The following DSCAM variants were observed in gnomAD, a reference collection of about 807,000 sequenced individuals.
The protein encoded by DSCAM is cell adhesion molecule DSCAM.
DSCAM carries 47 observed loss-of-function variants against 217.7 expected under a neutral mutation model. The observed-to-expected ratio is 0.22, with a 90% CI of 0.17 to 0.28. DSCAM has a LOEUF of 0.28. Among genes scored for constraint, DSCAM ranks in the 10% least tolerant of loss-of-function variants. DSCAM has a pLI of 1.00. For synonymous variants in DSCAM, 1,056 were observed against 1,015.3 expected (o/e 1.04, Z -0.76); for missense variants, 2,080 against 2,618.3 (o/e 0.79, Z 4.49).
chr21:40,295,144 C>T (rs1601525793), intron 10 of DSCAM, among the ~76,000 whole-genome samples: 1 of 151,602 alleles, frequency 6.6e-6, no homozygotes, highest in East Asian at 1.9e-4. Flanking sequence ...ACAAATACCT[C>T]ACAATAATTA....
At chr21:40,702,314 T>A (rs1302985388) in intron 2 of DSCAM, among the ~76,000 whole-genome samples, 1 of 152,214 alleles carries the variant, frequency 6.6e-6, no homozygotes, top group Non-Finnish European at 1.5e-5. Context: ...GGACTTCAGT[T>A]AATAATAATG....
intron 3 of DSCAM, among the ~76,000 whole-genome samples, chr21:40,532,766 G>A (rs2076457832): frequency 6.6e-6 from 1 of 152,146 alleles, no homozygotes; most frequent in Admixed American, 6.5e-5. Context: ...AGAGCATGGG[G>A]TGACCTGGAG....
rs146626579 is a variant in DSCAM at position 40,304,974 on chromosome 21, T to C, written c.2062+7107A>G. On this transcript the variant is annotated intron_variant, in intron 9 of 32. Coordinates refer to ENST00000400454, the MANE Select transcript of DSCAM (RefSeq NM_001389.5). Reference sequence around the variant, plus strand: ...TCAAATGTTGCAAGAATTACCAAAATGTGACATACAGACACGAAGTGGGCA... The same window carrying C: ...TCAAATGTTGCAAGAATTACCAAAACGTGACATACAGACACGAAGTGGGCA... 8.8e-3 allele frequency among the ~76,000 whole-genome samples: 1,347 copies of C among 152,262 alleles called. 19 individuals carry two copies. Among genetic ancestry groups the C allele is most frequent in the African/African-American group, 0.03 (1,252 of 41,548 alleles).
chr21:40,526,894 T>A (rs8133309), intron 3 of DSCAM, among the ~76,000 whole-genome samples: 4,505 of 152,178 alleles, frequency 0.03, 206 homozygotes, highest in African/African-American at 0.098. Context: ...AGGGGAGCTA[T>A]TTCTAAGAAT....
chr21:40,424,428 G>C (rs1416973672), intron 3 of DSCAM, among the ~76,000 whole-genome samples: 1 of 152,184 alleles, frequency 6.6e-6, no homozygotes, highest in Non-Finnish European at 1.5e-5. Flanking sequence ...AGCCAGCCGT[G>C]TGACTGGCGT....
Position 40,012,836 on chromosome 21 carries a change from G to C in DSCAM, c.*198C>G, listed in dbSNP as rs1023897992. 2.6e-6 allele frequency: 1 copy of C among 389,594 alleles called. No individual in the cohort carries two copies. The highest frequency in any genetic ancestry group is 4.4e-6 in the Non-Finnish European group (1 of 227,274). The allele number at this position is 389,594 out of a possible 1,614,324, so 24.1% of individuals were successfully genotyped here. A position where few individuals can be genotyped will look rare whatever the true frequency, so the allele number is the denominator to read the frequency against. On this transcript the variant is annotated 3_prime_UTR_variant, in exon 33 of 33. Transcript: ENST00000400454. ...TTCCCAAAAAATCAGATGCCCAGGC[G>C]GATGGAGCTCACACTCAGACAGAAA...
intron 18 of DSCAM, among the ~76,000 whole-genome samples, chr21:40,138,499 G>T (rs1260804968): frequency 6.8e-6 from 1 of 147,698 alleles, no homozygotes; most frequent in Non-Finnish European, 1.5e-5. Context: ...TGTGGTGTGT[G>T]TGTGTGCATA....
chr21:40,458,282 A>C (rs1352125734), intron 3 of DSCAM, among the ~76,000 whole-genome samples: 2 of 152,184 alleles, frequency 1.3e-5, no homozygotes, highest in Non-Finnish European at 2.9e-5. Context: ...AGTTCATTAA[A>C]TATTTCCCCA....
chr21:40,065,616 G>A lies in DSCAM; in HGVS notation c.4889-2717C>T, dbSNP rs80017915. On this transcript the variant is annotated intron_variant, in intron 27 of 32. Coordinates refer to ENST00000400454, the MANE Select transcript of DSCAM (RefSeq NM_001389.5). Reference sequence around the variant, plus strand: ...CTGCCACTCCACGGTTGGGGTCGGTGCTCCTGCTGCACACCTAGTGTCCTT... The same window carrying A: ...CTGCCACTCCACGGTTGGGGTCGGTACTCCTGCTGCACACCTAGTGTCCTT... Among the ~76,000 whole-genome samples, 1,096 of 152,256 alleles carry A rather than the reference G, an allele frequency of 7.2e-3. 17 individuals are homozygous for A. Among genetic ancestry groups the A allele is most frequent in the African/African-American group, 0.025 (1,029 of 41,540 alleles).
intron 3 of DSCAM, among the ~76,000 whole-genome samples, chr21:40,380,326 C>T (rs527266640): frequency 1.3e-5 from 2 of 152,274 alleles, no homozygotes; most frequent in Admixed American, 1.3e-4. Flanking sequence ...AATTCCTTTA[C>T]TTTTAAATGA....
At chr21:40,822,245 G>A (rs2091934587) in intron 1 of DSCAM, among the ~76,000 whole-genome samples, 1 of 147,368 alleles carries the variant, frequency 6.8e-6, no homozygotes, top group Non-Finnish European at 1.5e-5. Context: ...CTTGAACCCG[G>A]GAAGCAGGGG....
rs563352258 is a variant in DSCAM at position 40,469,244 on chromosome 21, A to G, written c.509-99999T>C. ...CCAAACTTATATTCTTTTTGCAAAC[A>G]TAAGTTCTTAAAAATGTTCTTCTCA... On this transcript the variant is annotated intron_variant, in intron 3 of 32. Transcript: ENST00000400454. 7.2e-5 allele frequency among the ~76,000 whole-genome samples: 11 copies of G among 152,324 alleles called. 1 individual carries two copies. The South Asian group carries it at 1.4e-3, about 20-fold the overall frequency.
intron 16 of DSCAM, among the ~76,000 whole-genome samples, chr21:40,153,263 C>T (rs537858546): frequency 6.6e-6 from 1 of 152,296 alleles, no homozygotes; most frequent in African/African-American, 2.4e-5. Flanking sequence ...CAACCAGGGA[C>T]ACCTTTGAGT....
chr21:40,432,111 G>A (rs1008371043), intron 3 of DSCAM, among the ~76,000 whole-genome samples: 2 of 152,088 alleles, frequency 1.3e-5, no homozygotes, highest in African/African-American at 4.8e-5. Flanking sequence ...GCTGAGGCAG[G>A]AGAATTGCTT....
At chr21:40,128,653 T>C (rs1345358769) in intron 19 of DSCAM, among the ~76,000 whole-genome samples, 1 of 128,658 alleles carries the variant, frequency 7.8e-6, no homozygotes, top group Non-Finnish European at 1.6e-5. Flanking sequence ...TGACAGGGAG[T>C]AACAGGCAGC....
intron 11 of DSCAM, among the ~76,000 whole-genome samples, chr21:40,240,896 T>C (rs2073144074): frequency 6.6e-6 from 1 of 152,146 alleles, no homozygotes; most frequent in Non-Finnish European, 1.5e-5. Context: ...CCACAGAAAA[T>C]GACTAATGGT....
chr21:40,670,696 G>C (rs1460423496), intron 3 of DSCAM, among the ~76,000 whole-genome samples: 1 of 152,146 alleles, frequency 6.6e-6, no homozygotes, highest in African/African-American at 2.4e-5. Context: ...AAATCCTCCA[G>C]GGAATGTTAT....
chr21:40,515,874 GGTT>G (rs1243869067), intron 3 of DSCAM, among the ~76,000 whole-genome samples: 1 of 152,002 alleles, frequency 6.6e-6, no homozygotes. Context: ...ACGTCAAGAA[GGTT>G]GTTATGACCC....
chr21:40,078,621 G>C, intron 26 of DSCAM, 66 bp downstream of exon 26: 12 of 1,557,880 alleles, frequency 7.7e-6, no homozygotes, highest in East Asian at 2.3e-5. Context: ...CGATGGGAAA[G>C]GGGCAGGGCC....
Sources: allele counts gnomAD v4.1 joint callset (sites outside exome capture counted in the v4.1 genomes callset), GRCh38; gene constraint gnomAD v4.1.1; transcripts MANE v1.5; gene names NCBI Gene and HGNC (gene_info 2026-07-23, HGNC 2026-07-21).